The following PEBP4 variants were observed in gnomAD, a reference collection of about 807,000 sequenced individuals.
PEBP4 encodes the protein phosphatidylethanolamine binding protein 4.
PEBP4 carries 22 observed loss-of-function variants against 23.9 expected under a neutral mutation model. The ratio of observed to expected loss-of-function variants is 0.92; its 90% CI spans 0.66 to 1.31. PEBP4 has a LOEUF of 1.31. Among genes scored for constraint, PEBP4 ranks in the 40% most tolerant of loss-of-function variants. The pLI, the probability that PEBP4 is intolerant of heterozygous loss-of-function variation, is 0.00. For missense variants in PEBP4, 324 were observed against 281.7 expected (o/e 1.15, Z -1.07); for synonymous variants, 112 against 99.3 (o/e 1.13, Z -0.76).
intron 3 of PEBP4, among the ~76,000 whole-genome samples, chr8:22,888,671 A>G (rs563427841): frequency 2.7e-4 from 41 of 152,314 alleles, no homozygotes; most frequent in African/African-American, 9.6e-4. Context: ...CTAAACCATT[A>G]ATTTCATGCT....
chr8:22,819,698 C>T (rs976359570), intron 3 of PEBP4, among the ~76,000 whole-genome samples: 13 of 151,020 alleles, frequency 8.6e-5, no homozygotes, highest in Admixed American at 5.9e-4. Flanking sequence ...GCTCTGCCTC[C>T]GGGGTTCACG....
chr8:22,743,246 C>T (rs1805037339), intron 4 of PEBP4, among the ~76,000 whole-genome samples: 1 of 152,104 alleles, frequency 6.6e-6, no homozygotes, highest in Non-Finnish European at 1.5e-5. Context: ...AGAGTGGAGG[C>T]TACTGACCTC....
intron 4 of PEBP4, among the ~76,000 whole-genome samples, chr8:22,730,090 C>T (rs1341579013): frequency 6.6e-6 from 1 of 152,192 alleles, no homozygotes; most frequent in African/African-American, 2.4e-5. Flanking sequence ...CAGTGCCATC[C>T]TGTGCTCTTT....
chr8:22,924,764 T>C, intron 2 of PEBP4: 15 of 985,354 alleles, frequency 1.5e-5, no homozygotes, highest in Non-Finnish European at 1.8e-5. Flanking sequence ...TGGAGAATCA[T>C]GGTTCTTTCC....
chr8:22,893,180 C>T (rs1055848002), intron 3 of PEBP4, among the ~76,000 whole-genome samples: 2 of 152,156 alleles, frequency 1.3e-5, no homozygotes. Flanking sequence ...AAAAATGCCA[C>T]AGAATTCCTG....
chr8:22,740,100 C>T (rs1804957953), intron 4 of PEBP4, among the ~76,000 whole-genome samples: 1 of 152,172 alleles, frequency 6.6e-6, no homozygotes, highest in Non-Finnish European at 1.5e-5. Flanking sequence ...TCTTCTCTCC[C>T]TCCCCACCAA....
At chr8:22,743,779 C>A (rs1268737975) in intron 4 of PEBP4, among the ~76,000 whole-genome samples, 1 of 152,220 alleles carries the variant, frequency 6.6e-6, no homozygotes, top group Non-Finnish European at 1.5e-5. Flanking sequence ...AGCACCACGC[C>A]CCTTTCCTCT....
intron 3 of PEBP4, among the ~76,000 whole-genome samples, chr8:22,836,603 C>T (rs916948734): frequency 2.0e-5 from 3 of 152,238 alleles, no homozygotes; most frequent in Admixed American, 6.5e-5. Flanking sequence ...AACGCTCTCG[C>T]CTGGCTCACA....
chr8:22,724,748 G>T, intron 6 of PEBP4, 95 bp downstream of exon 6: 1 of 901,474 alleles, frequency 1.1e-6, no homozygotes, highest in Non-Finnish European at 1.8e-6. Context: ...CTCATGAGTG[G>T]GGGTCAAGGC....
intron 3 of PEBP4, among the ~76,000 whole-genome samples, chr8:22,919,118 C>T (rs985439079): frequency 5.9e-5 from 9 of 152,180 alleles, no homozygotes; most frequent in Non-Finnish European, 2.9e-5. Context: ...GTCTATTCCC[C>T]GCATTGGAGT....
chr8:22,918,402 G>C (rs1461193294), intron 3 of PEBP4, among the ~76,000 whole-genome samples: 2 of 152,160 alleles, frequency 1.3e-5, no homozygotes, highest in African/African-American at 4.8e-5. Flanking sequence ...CCGGGCTGAG[G>C]CAGGATGGGT....
At position 22,775,205 on chromosome 8, in the gene PEBP4, A is replaced by G. The variant is rs1398091421; in HGVS notation, c.357+42432T>C. Among the ~76,000 whole-genome samples the G allele has an allele frequency of 6.6e-6, 1 of 152,092 alleles. No individual in the cohort carries two copies. Among genetic ancestry groups the G allele is most frequent in the African/African-American group, 2.4e-5 (1 of 41,402 alleles). On this transcript the variant is annotated intron_variant, in intron 4 of 6. Transcript: ENST00000256404. The surrounding 1 kb of genome is among the most constrained non-coding windows in gnomAD (Gnocchi z 4.8). ...TAGGGCTCCCCTCTCTTCCTTCTCC[A>G]TATCAACTGGCCCCTTCTACCCGAG...
At chr8:22,871,432 A>G (rs1191556075) in intron 3 of PEBP4, among the ~76,000 whole-genome samples, 1 of 151,734 alleles carries the variant, frequency 6.6e-6, no homozygotes, top group Admixed American at 6.6e-5. Context: ...ATTTACATCT[A>G]TTATCATAAT....
intron 3 of PEBP4, among the ~76,000 whole-genome samples, chr8:22,915,993 C>T (rs1464329352): frequency 6.6e-6 from 1 of 152,154 alleles, no homozygotes; most frequent in Non-Finnish European, 1.5e-5. Context: ...GAAGGTGCTC[C>T]CTGGGAGGCT....
At chr8:22,764,168 AC>A (rs1297641143) in intron 4 of PEBP4, among the ~76,000 whole-genome samples, 2 of 152,072 alleles carry the variant, frequency 1.3e-5, no homozygotes, top group Non-Finnish European at 2.9e-5. Context: ...ACTCTATAGC[AC>A]CCATTACTCA....
At chr8:22,778,309 G>A (rs1350642088) in intron 4 of PEBP4, among the ~76,000 whole-genome samples, 1 of 152,006 alleles carries the variant, frequency 6.6e-6, no homozygotes, top group Non-Finnish European at 1.5e-5. Flanking sequence ...GCTTCCATGT[G>A]AGACTGGATC....
intron 3 of PEBP4, among the ~76,000 whole-genome samples, chr8:22,889,929 T>C (rs1359617559): frequency 6.6e-6 from 1 of 152,250 alleles, no homozygotes; most frequent in Non-Finnish European, 1.5e-5. Context: ...TCCAAATTGA[T>C]GCAATGTTCA....
chr8:22,835,174 T>C (rs1271940044), intron 3 of PEBP4, among the ~76,000 whole-genome samples: 2 of 152,188 alleles, frequency 1.3e-5, no homozygotes, highest in Non-Finnish European at 2.9e-5. Flanking sequence ...CACTAAGGTA[T>C]AGTTTACTGA....
At chr8:22,938,462 G>A (rs1384836045) in intron 1 of PEBP4, among the ~76,000 whole-genome samples, 1 of 152,156 alleles carries the variant, frequency 6.6e-6, no homozygotes, top group Admixed American at 6.5e-5. Flanking sequence ...GACAGCATCT[G>A]CAGTACTTCC....
Sources: gnomAD v4.1 joint callset for allele counts (sites outside exome capture counted in the v4.1 genomes callset) on GRCh38, gnomAD v4.1.1 for gene constraint, Gnocchi (gnomAD v3.1) non-coding constraint, MANE v1.5 for transcripts, NCBI Gene and HGNC (gene_info 2026-07-23, HGNC 2026-07-21) for gene names.